REEP3: variants seen among roughly 807,000 people sequenced by gnomAD.
The protein encoded by REEP3 is receptor expression-enhancing protein 3.
In REEP3, 20 loss-of-function variants were observed where a neutral mutation model predicts 41.3. The observed-to-expected ratio is 0.48, with a 90% CI of 0.34 to 0.70. REEP3 has a LOEUF of 0.70. Among genes scored for constraint, REEP3 ranks in the 30% least tolerant of loss-of-function variants. REEP3 has a pLI of 0.01. For synonymous variants in REEP3, 104 were observed against 101.8 expected, an observed-to-expected ratio of 1.02 and a Z score of -0.13; for missense variants, 271 against 308.8, an observed-to-expected ratio of 0.88 and a Z score of 0.92.
At chr10:63,619,544 G>A (rs35995927) in intron 6 of REEP3, 111 bp from the exon 7 acceptor site, 199,711 of 871,704 alleles carry the variant, frequency 0.23, 26,016 homozygotes, top group Non-Finnish European at 0.27. Flanking sequence ...TGCAAAAAGA[G>A]TAACTGGGGG....
chr10:63,559,374 C>G (rs1016370848), intron 1 of REEP3, among the ~76,000 whole-genome samples: 2 of 152,144 alleles, frequency 1.3e-5, no homozygotes, highest in African/African-American at 4.8e-5. Context: ...TGTCTGTTAG[C>G]TACTCTTTTA....
At chr10:63,548,989 T>A (rs1174168373) in intron 1 of REEP3, among the ~76,000 whole-genome samples, 4 of 150,930 alleles carry the variant, frequency 2.7e-5, no homozygotes, top group African/African-American at 7.3e-5. Context: ...TTTTTTTTTT[T>A]AAATGCACCA....
At position 63,608,671 on chromosome 10, in the gene REEP3, C is replaced by A. The variant is rs565300589; in HGVS notation, c.418-1516C>A. On this transcript the variant is annotated intron_variant, in intron 5 of 7. Coordinates refer to ENST00000373758, the MANE Select transcript of REEP3 (RefSeq NM_001001330.3). ...AGAAGTGACTCATCTATATGCTATG[C>A]AAATTTAAAGTAGGTAAATTTAGAA... Among the ~76,000 whole-genome samples, 3 of 152,252 alleles carry A rather than the reference C, an allele frequency of 2.0e-5. No homozygotes were observed. The South Asian group carries it at 6.2e-4, about 32-fold the overall frequency.
intron 2 of REEP3, among the ~76,000 whole-genome samples, chr10:63,583,075 T>A (rs1280307454): frequency 6.6e-6 from 1 of 152,090 alleles, no homozygotes; most frequent in African/African-American, 2.4e-5. Context: ...AACCTCCGCC[T>A]CCCGGGTTCA....
chr10:63,608,831 A>T (rs1467816816), intron 5 of REEP3, among the ~76,000 whole-genome samples: 1 of 152,230 alleles, frequency 6.6e-6, no homozygotes, highest in Non-Finnish European at 1.5e-5. Context: ...TATCCAATAC[A>T]GTAGCCACTA....
At chr10:63,613,420 T>C (rs548194560) in intron 6 of REEP3, among the ~76,000 whole-genome samples, 6 of 152,366 alleles carry the variant, frequency 3.9e-5, no homozygotes, top group African/African-American at 1.4e-4. Flanking sequence ...ATATGAAGTA[T>C]GTGGTAGCAG....
chr10:63,553,546 A>G (rs912856709), intron 1 of REEP3, among the ~76,000 whole-genome samples: 2 of 151,992 alleles, frequency 1.3e-5, no homozygotes, highest in African/African-American at 4.8e-5. Flanking sequence ...AGGTGACTGT[A>G]GCTTAGACTG....
intron 7 of REEP3, among the ~76,000 whole-genome samples, 198 bp downstream of exon 7, chr10:63,619,998 G>A (rs1318640943): frequency 6.8e-6 from 1 of 147,662 alleles, no homozygotes; most frequent in East Asian, 2.0e-4. Context: ...AGTGCAGTGT[G>A]GCGTAATCAC....
chr10:63,620,374 C>A (rs1483394078), intron 7 of REEP3, among the ~76,000 whole-genome samples: 2 of 152,190 alleles, frequency 1.3e-5, no homozygotes, highest in Non-Finnish European at 2.9e-5. Flanking sequence ...AATACCCAGT[C>A]CCAGCCCTAT....
chr10:63,552,248 C>CAAA (rs11455257), intron 1 of REEP3, among the ~76,000 whole-genome samples: 1 of 143,848 alleles, frequency 7.0e-6, no homozygotes, highest in African/African-American at 2.5e-5. Context: ...ACTAAAAATA[C>CAAA]AAAAAAAAAA....
chr10:63,556,877 C>A (rs1398527941), intron 1 of REEP3, among the ~76,000 whole-genome samples: 1 of 151,360 alleles, frequency 6.6e-6, no homozygotes, highest in Non-Finnish European at 1.5e-5. Flanking sequence ...CCTCGTGATC[C>A]GCCCGCCTCG....
chr10:63,545,696 T>G (rs1476281131), intron 1 of REEP3, among the ~76,000 whole-genome samples: 1 of 142,654 alleles, frequency 7.0e-6, no homozygotes, highest in South Asian at 2.4e-4. Flanking sequence ...TTTTTTTTTT[T>G]TTTTTTTTTG....
intron 1 of REEP3, among the ~76,000 whole-genome samples, chr10:63,536,760 A>G (rs931481907): frequency 6.6e-6 from 1 of 152,212 alleles, no homozygotes; most frequent in Non-Finnish European, 1.5e-5. Context: ...AAGATAGACA[A>G]AACTCATTAG....
At chr10:63,591,236 T>C (rs1449764224) in intron 2 of REEP3, among the ~76,000 whole-genome samples, 2 of 151,920 alleles carry the variant, frequency 1.3e-5, no homozygotes, top group South Asian at 2.1e-4. Flanking sequence ...CATCACTGAG[T>C]AATCATTTGG....
intron 1 of REEP3, among the ~76,000 whole-genome samples, chr10:63,523,782 G>T (rs1955327779): frequency 6.6e-6 from 1 of 152,230 alleles, no homozygotes; most frequent in Non-Finnish European, 1.5e-5. Flanking sequence ...CTCGGGTGGG[G>T]AAAAAGCAAG....
At chr10:63,554,746 A>C (rs979684211) in intron 1 of REEP3, among the ~76,000 whole-genome samples, 2 of 152,208 alleles carry the variant, frequency 1.3e-5, no homozygotes, top group Non-Finnish European at 2.9e-5. Flanking sequence ...TGTAGATTGT[A>C]GGGACCATTG....
At chr10:63,604,325 CA>C (rs1378450738) in intron 5 of REEP3, among the ~76,000 whole-genome samples, 1 of 152,192 alleles carries the variant, frequency 6.6e-6, no homozygotes, top group Non-Finnish European at 1.5e-5. Flanking sequence ...TGAGGATGTA[CA>C]GCATTCCATA....
intron 1 of REEP3, among the ~76,000 whole-genome samples, chr10:63,556,077 T>C (rs1409151167): frequency 1.3e-5 from 2 of 152,102 alleles, no homozygotes; most frequent in Non-Finnish European, 2.9e-5. Flanking sequence ...CAGAAAACCA[T>C]TCTTATAAAC....
At chr10:63,574,210 G>A (rs1008533517) in intron 2 of REEP3, among the ~76,000 whole-genome samples, 31 of 152,044 alleles carry the variant, frequency 2.0e-4, no homozygotes, top group Admixed American at 1.1e-3. Flanking sequence ...TTCCTTCTAC[G>A]AAAGATGATT....
Sources: gnomAD v4.1 joint callset for allele counts (sites outside exome capture counted in the v4.1 genomes callset) on GRCh38, gnomAD v4.1.1 for gene constraint, MANE v1.5 for transcripts, NCBI Gene and HGNC (gene_info 2026-07-23, HGNC 2026-07-21) for gene names.